Variants in FBN3 observed in about 807,000 individuals in gnomAD.
The protein encoded by FBN3 is fibrillin-3.
A neutral mutation model predicts 330.1 loss-of-function variants in FBN3; 234 were observed. The ratio of observed to expected loss-of-function variants is 0.71; its 90% CI spans 0.64 to 0.79. The LOEUF (loss-of-function observed/expected upper bound fraction) is 0.79, where lower values mean the gene tolerates loss of function less well. Among genes scored for constraint, FBN3 ranks in the 30% least tolerant of loss-of-function variants. The pLI, the probability that FBN3 is intolerant of heterozygous loss-of-function variation, is 0.00. For synonymous variants in FBN3, 1,458 were observed against 1,517.3 expected, an observed-to-expected ratio of 0.96 and a Z score of 0.91; for missense variants, 3,606 against 3,886.9, an observed-to-expected ratio of 0.93 and a Z score of 1.92.
chr19:8,116,039 A>G (rs79540605), intron 29 of FBN3, among the ~76,000 whole-genome samples: 1 of 152,114 alleles, frequency 6.6e-6, no homozygotes, highest in Non-Finnish European at 1.5e-5. Flanking sequence ...CCCTAAATGC[A>G]TTTGTTCACA....
At position 8,121,601 on chromosome 19, in the gene FBN3, C is replaced by T. The variant is rs892113849; in HGVS notation, c.3083-215G>A. ...GTAGATATGACAGGCAGAACAGAAG[C>T]CCCCAAAAGGAGCCGAGGAAATGGA... On this transcript the variant is annotated intron_variant, in intron 24 of 63. Coordinates refer to ENST00000600128, the MANE Select transcript of FBN3 (RefSeq NM_032447.5). The surrounding 1 kb of genome is among the most constrained non-coding windows in gnomAD (Gnocchi z 4.5). Among the ~76,000 whole-genome samples the T allele has an allele frequency of 2.0e-5, 3 of 152,146 alleles. No individual in the cohort carries two copies. Among genetic ancestry groups the T allele is most frequent in the Non-Finnish European group, 4.4e-5 (3 of 68,020 alleles).
At chr19:8,074,603 G>A (rs2081595822) in intron 61 of FBN3, among the ~76,000 whole-genome samples, 1 of 151,956 alleles carries the variant, frequency 6.6e-6, no homozygotes, top group South Asian at 2.1e-4. Flanking sequence ...GCTGCTAGGA[G>A]GTCCTAGAGC....
chr19:8,095,397 T>G lies in FBN3; in HGVS notation c.5763A>C (p.Thr1921=), dbSNP rs1162675589. The change falls in exon 46 of 64, where the codon ACA becomes ACC. Residue 1921 remains threonine (T), a synonymous_variant. Transcript: ENST00000600128. ...CACCCACACAGTTCTTCCCATCAGCTGTGAGCTCAAAGCCATCCTGGCAGA... is the reference window on the plus strand; with the variant it reads ...CACCCACACAGTTCTTCCCATCAGCGGTGAGCTCAAAGCCATCCTGGCAGA... ...HCLCQDGFEL[T]ADGKNCVDTN... 39 of 1,613,018 alleles carry G rather than the reference T, an allele frequency of 2.4e-5. No individual in the cohort carries two copies. The highest frequency in any genetic ancestry group is 3.2e-5 in the Non-Finnish European group (38 of 1,179,386).
Position 8,147,464 on chromosome 19 carries a change from A to G in FBN3, c.17T>C (p.Leu6Pro). 6.5e-7 allele frequency: 1 copy of G among 1,534,594 alleles called. No individual in the cohort carries two copies. ...GGCCAGGGGGCCCCTTGCCAAATAC[A>G]GACCCTCCAGAGTCATGGCGTGTCC... MTLEGLYLARGPLARL... is the reference protein window; with the variant it reads MTLEGPYLARGPLARL... Residue 6 changes from leucine (L) to proline (P), a missense_variant, in exon 2 of 64, where the codon CTG becomes CCG. By Grantham distance (98) the Leu-to-Pro change is moderately conservative. Transcript: ENST00000600128.
At chr19:8,134,628 C>T (rs769251677) in intron 13 of FBN3, among the ~76,000 whole-genome samples, 100 of 152,076 alleles carry the variant, frequency 6.6e-4, no homozygotes, top group Non-Finnish European at 1.2e-3. Flanking sequence ...ACAGTGAGAC[C>T]CAATCACAAA....
intron 50 of FBN3, 41 bp from the exon 51 acceptor site, chr19:8,089,711 C>A (rs758060072): frequency 3.5e-5 from 56 of 1,609,326 alleles, no homozygotes; most frequent in Non-Finnish European, 3.9e-5. Context: ...TCTGTCACCA[C>A]ACAATCGCCA....
chr19:8,123,769 C>T lies in FBN3; in HGVS notation c.2956+15G>A, dbSNP rs1157867104. 1.9e-6 allele frequency: 3 copies of T among 1,612,648 alleles called. No homozygotes were observed. The highest frequency in any genetic ancestry group is 3.3e-5 in the Admixed American group (2 of 60,000). On this transcript the variant is annotated intron_variant, in intron 23 of 63. Transcript: ENST00000600128. The stretch of plus-strand genomic sequence containing the variant: ...CCCCATCCTTCCAGGGGCCTGACCC[C>T]TTCCCCAACCGCACCTTTATAGAAT...
In FBN3 at chr19:8,094,582, G is replaced by T. The variant is rs577532628; in HGVS notation, c.5786-17C>A. On this transcript the variant is annotated splice_polypyrimidine_tract_variant and intron_variant, in intron 46 of 63. Transcript: ENST00000600128. ...CATTGGTGTCTGTGAAAAGGAGGAA[G>T]AAAGGTCCTTGTGCCAGCCAGGATG... 1.2e-6 allele frequency: 2 copies of T among 1,610,104 alleles called. No homozygotes were observed. Among genetic ancestry groups the T allele is most frequent in the East Asian group, 2.2e-5 (1 of 44,752 alleles).
At chr19:8,088,648 CA>C (rs1411553911) in intron 51 of FBN3, among the ~76,000 whole-genome samples, 1 of 151,782 alleles carries the variant, frequency 6.6e-6, no homozygotes, top group Non-Finnish European at 1.5e-5. Context: ...GAGAAATCAG[CA>C]AGGAAGTGAA....
intron 59 of FBN3, among the ~76,000 whole-genome samples, chr19:8,076,776 TTTTTAGATA>T (rs1357816646): frequency 6.6e-6 from 1 of 152,222 alleles, no homozygotes; most frequent in Non-Finnish European, 1.5e-5. Context: ...AATTTTGGTT[TTTTTAGATA>T]GGATCTCATT....
chr19:8,135,460 T>TAG (rs1488281946), intron 13 of FBN3, among the ~76,000 whole-genome samples: 7 of 151,342 alleles, frequency 4.6e-5, no homozygotes, highest in Non-Finnish European at 8.8e-5. Context: ...TTGTATTTAG[T>TAG]AGAGATGGGG....
intron 63 of FBN3, among the ~76,000 whole-genome samples, chr19:8,067,402 A>G (rs1434947667): frequency 6.6e-6 from 1 of 152,200 alleles, no homozygotes; most frequent in African/African-American, 2.4e-5. Flanking sequence ...CTGGGATTAC[A>G]GGCGTGAGCC....
chr19:8,120,487 TC>T (rs2082820227), intron 25 of FBN3, among the ~76,000 whole-genome samples: 2 of 148,838 alleles, frequency 1.3e-5, no homozygotes, highest in African/African-American at 5.0e-5. Context: ...CTTCCTTCCT[TC>T]CTTCCTTCCT....
At chr19:8,070,474 T>C (rs1342550194) in intron 63 of FBN3, among the ~76,000 whole-genome samples, 1 of 152,156 alleles carries the variant, frequency 6.6e-6, no homozygotes. Flanking sequence ...TCGACCTAAA[T>C]GTCTGCAGTG....
intron 16 of FBN3, among the ~76,000 whole-genome samples, chr19:8,130,590 AAGAAAGAAAG>A (rs2083104523): frequency 8.1e-5 from 1 of 12,314 alleles, no homozygotes; most frequent in African/African-American, 6.2e-4. Context: ...GAATGAAAGA[AAGAAAGAAAG>A]AAAGAAAGAA....
chr19:8,099,120 A>C (rs1032015940), intron 41 of FBN3, among the ~76,000 whole-genome samples: 1 of 151,880 alleles, frequency 6.6e-6, no homozygotes, highest in African/African-American at 2.4e-5. Context: ...AACCAATGTC[A>C]TATATTTTCA....
chr19:8,074,141 G>C (rs1234375534), intron 61 of FBN3, among the ~76,000 whole-genome samples: 1 of 152,166 alleles, frequency 6.6e-6, no homozygotes, highest in Non-Finnish European at 1.5e-5. Context: ...TGAGCTCAGG[G>C]CCTAGTGAAA....
In FBN3 at chr19:8,066,267, A is replaced by G. The variant is rs1384819265; in HGVS notation, c.8089-7T>C. 1.3e-6 allele frequency: 2 copies of G among 1,528,946 alleles called. No homozygotes were observed. Among genetic ancestry groups the G allele is most frequent in the African/African-American group, 1.4e-5 (1 of 72,264 alleles). The allele number at this position is 1,528,946 out of a possible 1,614,324, so 94.7% of individuals were successfully genotyped here. ...CAAGGGTGGCCAGGTTCACCTGGGA[A>G]GAAAGGCCAGGTGTGTGGTCAGAGC... On this transcript the variant is annotated splice_polypyrimidine_tract_variant and splice_region_variant and intron_variant, in intron 63 of 63. Coordinates refer to ENST00000600128, the MANE Select transcript of FBN3 (RefSeq NM_032447.5).
intron 39 of FBN3, 152 bp from the exon 40 acceptor site, chr19:8,103,025 G>A: frequency 3.9e-6 from 3 of 778,946 alleles, no homozygotes; most frequent in Non-Finnish European, 6.2e-6. Flanking sequence ...CCAGCACTTT[G>A]GGAGGCGGAG....
Sources: allele counts gnomAD v4.1 joint callset (sites outside exome capture counted in the v4.1 genomes callset), GRCh38; gene constraint gnomAD v4.1.1; non-coding constraint Gnocchi (gnomAD v3.1); transcripts MANE v1.5; gene names NCBI Gene and HGNC (gene_info 2026-07-23, HGNC 2026-07-21).